Variants in ARHGEF11 observed in about 807,000 individuals in gnomAD.
ARHGEF11 encodes Rho guanine exchange factor (GEF) 11.
Under a neutral mutation model 193.7 loss-of-function variants are expected in ARHGEF11, and 55 were observed. The observed-to-expected ratio is 0.28, with a 90% CI of 0.23 to 0.36. ARHGEF11 has a LOEUF of 0.36. Ranked by LOEUF, ARHGEF11 falls within the 10% of genes least tolerant of loss-of-function variation. The pLI is 1.00. For missense variants in ARHGEF11, 1,723 were observed against 2,005.6 expected, an observed-to-expected ratio of 0.86 and a Z score of 2.69; for synonymous variants, 693 against 768.0, an observed-to-expected ratio of 0.90 and a Z score of 1.62.
chr1:157,009,916 A>G (rs950288123), intron 1 of ARHGEF11, among the ~76,000 whole-genome samples: 2 of 152,212 alleles, frequency 1.3e-5, no homozygotes, highest in African/African-American at 4.8e-5. Context: ...TCTTCTCAAC[A>G]TGAACCTGCT....
chr1:157,002,745 T>C (rs16837953), intron 1 of ARHGEF11, among the ~76,000 whole-genome samples: 4,115 of 152,258 alleles, frequency 0.027, 73 homozygotes, highest in South Asian at 0.055. Flanking sequence ...TTGTGACTGA[T>C]TGATAAATGG....
intron 26 of ARHGEF11, 55 bp downstream of exon 26, chr1:156,947,249 A>C: frequency 6.4e-7 from 1 of 1,560,366 alleles, no homozygotes; most frequent in South Asian, 1.2e-5. Flanking sequence ...GCCAAAGTGG[A>C]ACAGGAAGCT....
rs183049919 is a variant in ARHGEF11, at chr1:156,999,770, G to A, written c.33-13597C>T. ...TCTGTCACAGGGACTTGCCAGGGCC[G>A]AAGGGAAAGGCCTCCATCTGTGGAA... On this transcript the variant is annotated intron_variant, in intron 1 of 40. Coordinates refer to ENST00000368194, the MANE Select transcript of ARHGEF11 (RefSeq NM_198236.3). Among the ~76,000 whole-genome samples, 153 of 152,294 alleles carry A rather than the reference G, an allele frequency of 1.0e-3. 1 individual carries two copies. The highest frequency in any genetic ancestry group is 2.5e-3 in the Admixed American group (38 of 15,298).
intron 1 of ARHGEF11, among the ~76,000 whole-genome samples, chr1:156,986,555 A>C (rs1447305747): frequency 6.6e-6 from 1 of 152,226 alleles, no homozygotes; most frequent in African/African-American, 2.4e-5. Context: ...TGAATGCAAG[A>C]AAAAGACAGG....
chr1:156,963,330 T>A (rs762012265), intron 12 of ARHGEF11, 26 bp from the exon 13 acceptor site: 1 of 1,602,524 alleles, frequency 6.2e-7, no homozygotes, highest in South Asian at 1.1e-5. Context: ...ATGAGCATGG[T>A]GGGAAGCCGG....
chr1:156,983,495 T>C (rs539827503), intron 3 of ARHGEF11, among the ~76,000 whole-genome samples: 1 of 152,354 alleles, frequency 6.6e-6, no homozygotes, highest in East Asian at 1.9e-4. Flanking sequence ...GTGCTGAGAT[T>C]ACAGGCGTGA....
intron 15 of ARHGEF11, among the ~76,000 whole-genome samples, 168 bp from the exon 16 acceptor site, chr1:156,959,310 A>G (rs1180189608): frequency 6.6e-6 from 1 of 152,242 alleles, no homozygotes; most frequent in Non-Finnish European, 1.5e-5. Flanking sequence ...CTCTCAGGTC[A>G]TTCCTGAATT....
chr1:157,012,688 GTAT>G (rs1668683960), intron 1 of ARHGEF11, among the ~76,000 whole-genome samples: 1 of 152,130 alleles, frequency 6.6e-6, no homozygotes, highest in Admixed American at 6.5e-5. Context: ...CTCTGTCTAG[GTAT>G]TAGTTCAGTA....
intron 22 of ARHGEF11, among the ~76,000 whole-genome samples, chr1:156,949,682 T>C (rs1658781789): frequency 1.3e-5 from 2 of 152,138 alleles, no homozygotes; most frequent in Admixed American, 1.3e-4. Context: ...CTTTTCAGTG[T>C]CCTAATGGGT....
chr1:157,034,707 C>T (rs1222918152), intron 1 of ARHGEF11, among the ~76,000 whole-genome samples: 1 of 152,174 alleles, frequency 6.6e-6, no homozygotes, highest in African/African-American at 2.4e-5. Context: ...AATGAGGAGA[C>T]ACTGCTCTTG....
In ARHGEF11 at chr1:156,967,984, C is replaced by T. The variant is rs763826539; in HGVS notation, c.963+3G>A. 7 of 1,614,048 alleles carry T rather than the reference C, an allele frequency of 4.3e-6. 1 individual carries two copies. Among genetic ancestry groups the T allele is most frequent in the South Asian group, 2.2e-5 (2 of 91,074 alleles). On this transcript the variant is annotated splice_donor_region_variant and intron_variant, in intron 11 of 40. Coordinates refer to ENST00000368194, the MANE Select transcript of ARHGEF11 (RefSeq NM_198236.3). ...AACTGCAGGGTGGCTCCAGATCACT[C>T]ACCTGGTCACCGGTTGAGGGGACTG...
intron 2 of ARHGEF11, among the ~76,000 whole-genome samples, chr1:156,985,167 T>C (rs1347767875): frequency 6.6e-6 from 1 of 152,176 alleles, no homozygotes; most frequent in East Asian, 1.9e-4. Context: ...GCGTGGGTTC[T>C]AGAGTTAAAA....
At chr1:157,019,293 T>C (rs1669672608) in intron 1 of ARHGEF11, among the ~76,000 whole-genome samples, 1 of 152,076 alleles carries the variant, frequency 6.6e-6, no homozygotes, top group South Asian at 2.1e-4. Flanking sequence ...CACATAAAAT[T>C]ATTATTAGTC....
intron 17 of ARHGEF11, 54 bp from the exon 18 acceptor site, chr1:156,957,869 C>T (rs1660192338): frequency 1.3e-6 from 2 of 1,596,022 alleles, no homozygotes; most frequent in Non-Finnish European, 1.7e-6. Context: ...AGGCTGGTCA[C>T]CTGGTTAGAG....
intron 10 of ARHGEF11, 122 bp downstream of exon 10, chr1:156,969,160 G>A (rs557889341): frequency 2.6e-6 from 2 of 775,606 alleles, no homozygotes; most frequent in Non-Finnish European, 4.3e-6. Context: ...TATATCCTTG[G>A]AACTAGAACG....
chr1:156,948,228 C>A lies in ARHGEF11; in HGVS notation c.2106G>T (p.Arg702Ser). The A allele has an allele frequency of 1.3e-6, 2 of 1,591,496 alleles. No homozygotes were observed. Among genetic ancestry groups the A allele is most frequent in the East Asian group, 4.5e-5 (2 of 44,500 alleles). Residue 702 changes from arginine (R) to serine (S), a missense_variant and splice_region_variant, in exon 24 of 41, where the codon AGG becomes AGT. By Grantham distance (110) the Arg-to-Ser change is moderately radical (BLOSUM62 -1). Around this residue, in one of 5 missense-constraint regions of ARHGEF11, gnomAD observed 491 missense variants for 654.5 expected, o/e 0.75. Transcript: ENST00000368194. The surrounding 1 kb of genome is among the most constrained non-coding windows in gnomAD (Gnocchi z 4.2). The stretch of plus-strand genomic sequence containing the variant: ...ATGGAGGGGTTGGGTTCTCAAGAGA[C>A]CTGTGGAGGGAATGTCAACTCTCAG... The part of the protein sequence containing the change: ...ASSSTSSLST[R>S]SLENPTPPFT...
At chr1:156,960,923 G>A (rs999782912) in intron 14 of ARHGEF11, among the ~76,000 whole-genome samples, 1 of 152,200 alleles carries the variant, frequency 6.6e-6, no homozygotes, top group Non-Finnish European at 1.5e-5. Context: ...CTGACACCTG[G>A]ATACTGGAAA....
chr1:156,976,736 T>G, intron 7 of ARHGEF11, among the ~76,000 whole-genome samples: 1 of 152,258 alleles, frequency 6.6e-6, no homozygotes, highest in East Asian at 1.9e-4. Flanking sequence ...TGACTTTTTT[T>G]TGTGTACATA....
intron 1 of ARHGEF11, among the ~76,000 whole-genome samples, chr1:157,029,057 C>T (rs1373687193): frequency 6.6e-6 from 1 of 151,310 alleles, no homozygotes; most frequent in East Asian, 2.0e-4. Flanking sequence ...GTCCTGGCTA[C>T]TCAGGAGGCT....
Sources: gnomAD v4.1 joint callset for allele counts (sites outside exome capture counted in the v4.1 genomes callset) on GRCh38, gnomAD v4.1.1 for gene constraint, gnomAD v4.1.1 regional missense constraint, Gnocchi (gnomAD v3.1) non-coding constraint, MANE v1.5 for transcripts, NCBI Gene and HGNC (gene_info 2026-07-23, HGNC 2026-07-21) for gene names.